The following CNTNAP2 variants were observed in gnomAD, a reference collection of about 807,000 sequenced individuals.
CNTNAP2 encodes the protein contactin-associated protein-like 2.
CNTNAP2 carries 98 observed loss-of-function variants against 155.2 expected under a neutral mutation model. The observed-to-expected ratio is 0.63, with a 90% CI of 0.54 to 0.75. CNTNAP2 has a LOEUF of 0.75. Ranked by LOEUF, CNTNAP2 falls within the 30% of genes least tolerant of loss-of-function variation. The pLI, the probability that CNTNAP2 is intolerant of heterozygous loss-of-function variation, is 0.00. For synonymous variants in CNTNAP2, 651 were observed against 631.2 expected (o/e 1.03, Z -0.47); for missense variants, 1,727 against 1,688.1 (o/e 1.02, Z -0.40).
chr7:146,905,839 C>T (rs547079997), intron 3 of CNTNAP2, among the ~76,000 whole-genome samples: 13 of 152,290 alleles, frequency 8.5e-5, no homozygotes, highest in African/African-American at 2.9e-4. Flanking sequence ...CAGCTCCCAG[C>T]GTGAGCGATG....
At chr7:147,168,403 G>T (rs994396604) in intron 8 of CNTNAP2, among the ~76,000 whole-genome samples, 2 of 151,840 alleles carry the variant, frequency 1.3e-5, no homozygotes, top group East Asian at 1.9e-4. Flanking sequence ...AGTAAATATG[G>T]ATTTTCTCCT....
chr7:146,423,030 C>A (rs1259292187), intron 1 of CNTNAP2, among the ~76,000 whole-genome samples: 1 of 152,040 alleles, frequency 6.6e-6, no homozygotes, highest in African/African-American at 2.4e-5. Context: ...TGGCCTCTTG[C>A]AAAATGTACC....
At chr7:146,588,753 C>T (rs976841316) in intron 1 of CNTNAP2, among the ~76,000 whole-genome samples, 10 of 152,086 alleles carry the variant, frequency 6.6e-5, no homozygotes, top group African/African-American at 2.4e-4. Flanking sequence ...AAGCTATCGG[C>T]CGGCCTGTGC....
chr7:148,324,794 C>CAAAAAA (rs72157861), intron 21 of CNTNAP2, among the ~76,000 whole-genome samples: 1,114 of 105,790 alleles, frequency 0.011, 76 homozygotes, highest in African/African-American at 0.038. Flanking sequence ...GACTCCATCT[C>CAAAAAA]AAAAAAAAAA....
At chr7:147,063,317 T>A (rs1225904663) in intron 4 of CNTNAP2, among the ~76,000 whole-genome samples, 1 of 152,146 alleles carries the variant, frequency 6.6e-6, no homozygotes, top group Non-Finnish European at 1.5e-5. Context: ...TGTGAAAGAA[T>A]GAATCCCTCT....
At chr7:148,101,550 C>T (rs527971152) in intron 15 of CNTNAP2, among the ~76,000 whole-genome samples, 27 of 152,260 alleles carry the variant, frequency 1.8e-4, no homozygotes, top group Middle Eastern at 6.8e-3. Context: ...AATAAATCCC[C>T]ATAAACTTCC....
intron 8 of CNTNAP2, among the ~76,000 whole-genome samples, chr7:147,243,016 T>TTTTTTTTTTTTG (rs1803977056): frequency 8.3e-6 from 1 of 121,050 alleles, no homozygotes; most frequent in South Asian, 2.5e-4. Flanking sequence ...TTTTTTTTTT[T>TTTTTTTTTTTTG]GAGAGGGAGT....
chr7:148,217,131 A>C (rs1398585838), intron 18 of CNTNAP2, among the ~76,000 whole-genome samples, 157 bp from the exon 19 acceptor site: 1 of 149,030 alleles, frequency 6.7e-6, no homozygotes, highest in African/African-American at 2.5e-5. Flanking sequence ...TGATAAGAGT[A>C]TTTGTGTTGA....
chr7:146,219,587 G>C (rs951797859), intron 1 of CNTNAP2, among the ~76,000 whole-genome samples: 3 of 152,200 alleles, frequency 2.0e-5, no homozygotes, highest in Admixed American at 2.0e-4. Context: ...ACAGGAGGCT[G>C]AGGCTTGGAA....
At chr7:147,008,665 A>G (rs1353789305) in intron 3 of CNTNAP2, among the ~76,000 whole-genome samples, 1 of 152,180 alleles carries the variant, frequency 6.6e-6, no homozygotes, top group Non-Finnish European at 1.5e-5. Flanking sequence ...TAGCATTCTG[A>G]CAAAAATAAT....
At chr7:146,380,655 T>C (rs1795368233) in intron 1 of CNTNAP2, among the ~76,000 whole-genome samples, 1 of 152,070 alleles carries the variant, frequency 6.6e-6, no homozygotes, top group South Asian at 2.1e-4. Context: ...TTACTCTACC[T>C]ATGTATACCA....
intron 3 of CNTNAP2, among the ~76,000 whole-genome samples, chr7:146,843,610 AAAG>A (rs995403827): frequency 6.6e-6 from 1 of 151,838 alleles, no homozygotes; most frequent in African/African-American, 2.4e-5. Flanking sequence ...AAAAAAAAAA[AAAG>A]AGTCCAATCC....
intron 1 of CNTNAP2, among the ~76,000 whole-genome samples, chr7:146,233,470 T>TC (rs1456203437): frequency 6.6e-6 from 1 of 151,864 alleles, no homozygotes; most frequent in Non-Finnish European, 1.5e-5. Context: ...GACTCTTTTT[T>TC]TTTTATTATT....
rs182255472 is a variant in CNTNAP2 at position 147,848,560 on chromosome 7, C to A, written c.2099-55005C>A. Among the ~76,000 whole-genome samples, 1,288 of 151,656 alleles carry A rather than the reference C, an allele frequency of 8.5e-3. 6 individuals are homozygous for A. The highest frequency in any genetic ancestry group is 0.031 in the Middle Eastern group (9 of 292). On this transcript the variant is annotated intron_variant, in intron 13 of 23. Coordinates refer to ENST00000361727, the MANE Select transcript of CNTNAP2 (RefSeq NM_014141.6). ...AAATGCAGAAATCACCCGTCTTCTG[C>A]GTCACTCACGCTGGGAGCTGTAGAC...
At chr7:147,508,714 C>T (rs1434455321) in intron 11 of CNTNAP2, among the ~76,000 whole-genome samples, 1 of 152,112 alleles carries the variant, frequency 6.6e-6, no homozygotes, top group African/African-American at 2.4e-5. Context: ...GTGCTGTTCT[C>T]AGCATAGGGA....
chr7:148,397,777 GGT>G (rs1479353108), intron 22 of CNTNAP2, among the ~76,000 whole-genome samples: 2 of 152,236 alleles, frequency 1.3e-5, no homozygotes, highest in Non-Finnish European at 2.9e-5. Context: ...AGGGAGGAAT[GGT>G]GTGGGGAACC....
At chr7:146,919,310 G>C (rs1181427686) in intron 3 of CNTNAP2, among the ~76,000 whole-genome samples, 1 of 152,174 alleles carries the variant, frequency 6.6e-6, no homozygotes, top group East Asian at 1.9e-4. Context: ...CATTTGGGTA[G>C]ACTATGTCAG....
At chr7:147,264,387 C>T (rs17170379) in intron 8 of CNTNAP2, among the ~76,000 whole-genome samples, 23,462 of 151,570 alleles carry the variant, frequency 0.15, 3,084 homozygotes, top group East Asian at 0.76. Flanking sequence ...GTTTTTAGAC[C>T]CTCCTCTGTG....
At chr7:147,527,261 G>A (rs1398138871) in intron 11 of CNTNAP2, among the ~76,000 whole-genome samples, 1 of 151,940 alleles carries the variant, frequency 6.6e-6, no homozygotes, top group African/African-American at 2.4e-5. Flanking sequence ...CTGACCTTGT[G>A]ATCCGCCCAC....
Sources: allele counts gnomAD v4.1 joint callset (sites outside exome capture counted in the v4.1 genomes callset), GRCh38; gene constraint gnomAD v4.1.1; transcripts MANE v1.5; gene names NCBI Gene and HGNC (gene_info 2026-07-23, HGNC 2026-07-21).